Variants in CLEC16A observed in about 807,000 individuals in gnomAD.
The protein encoded by CLEC16A is protein CLEC16A.
CLEC16A carries 51 observed loss-of-function variants against 109.5 expected under a neutral mutation model. That is an observed-to-expected ratio of 0.47 (90% CI 0.37 to 0.59). The LOEUF is 0.59. Ranked by LOEUF, CLEC16A falls within the 20% of genes least tolerant of loss-of-function variation. CLEC16A has a pLI of 0.00. For missense variants in CLEC16A, 1,339 were observed against 1,394.0 expected (o/e 0.96, Z 0.63); for synonymous variants, 673 against 564.2 (o/e 1.19, Z -2.73).
At chr16:10,988,421 C>T (rs1307891175) in intron 10 of CLEC16A, among the ~76,000 whole-genome samples, 7 of 152,144 alleles carry the variant, frequency 4.6e-5, no homozygotes, top group African/African-American at 1.7e-4. Context: ...GGACAGGGAC[C>T]ATGTCTCGGA....
intron 22 of CLEC16A, among the ~76,000 whole-genome samples, chr16:11,164,929 C>T (rs895776160): frequency 1.3e-5 from 2 of 152,104 alleles, no homozygotes; most frequent in African/African-American, 2.4e-5. Flanking sequence ...TGAATGGGGT[C>T]CAGGGCTGGC....
At chr16:11,131,124 G>A (rs777365880) in intron 22 of CLEC16A, among the ~76,000 whole-genome samples, 5 of 152,130 alleles carry the variant, frequency 3.3e-5, no homozygotes, top group African/African-American at 9.7e-5. Context: ...TTGTGCGTGC[G>A]CCTGGCCAAG....
At chr16:11,128,756 T>G (rs527574000) in intron 22 of CLEC16A, among the ~76,000 whole-genome samples, 165 of 152,100 alleles carry the variant, frequency 1.1e-3, no homozygotes, top group African/African-American at 4.0e-3. Context: ...ACTCAGCACT[T>G]TGGAATCATT....
intron 18 of CLEC16A, among the ~76,000 whole-genome samples, chr16:11,054,211 C>G (rs1489317521): frequency 6.6e-6 from 1 of 152,204 alleles, no homozygotes; most frequent in Non-Finnish European, 1.5e-5. Context: ...TGGGCTGGGG[C>G]AGATGGTCCT....
At chr16:11,177,318 G>GGGCC (rs1410070452) in intron 23 of CLEC16A, among the ~76,000 whole-genome samples, 1 of 152,208 alleles carries the variant, frequency 6.6e-6, no homozygotes, top group East Asian at 1.9e-4. Context: ...ATTTTGAAAA[G>GGGCC]GGCCGGGCAC....
chr16:11,126,335 T>G (rs2052818189), intron 22 of CLEC16A, 189 bp downstream of exon 22: 1 of 1,482,844 alleles, frequency 6.7e-7, no homozygotes, highest in Admixed American at 2.4e-5. Context: ...AAATTTTGGC[T>G]TTCCCTTTAG....
intron 10 of CLEC16A, among the ~76,000 whole-genome samples, chr16:10,986,730 A>AGTGTGT (rs200977014): frequency 0.27 from 31,499 of 116,654 alleles, 4,353 homozygotes; most frequent in East Asian, 0.55. Context: ...TTTAAGGCTC[A>AGTGTGT]ATGTGTGTGT....
intron 22 of CLEC16A, among the ~76,000 whole-genome samples, chr16:11,127,521 C>T (rs1449391164): frequency 6.6e-6 from 1 of 152,202 alleles, no homozygotes; most frequent in East Asian, 1.9e-4. Context: ...CTCTAGAAAA[C>T]AGTACACCAA....
chr16:11,146,713 T>A (rs1449114469), intron 22 of CLEC16A, among the ~76,000 whole-genome samples: 8 of 138,754 alleles, frequency 5.8e-5, no homozygotes, highest in African/African-American at 2.2e-4. Context: ...GGCTGCTGGG[T>A]GGATAGATGG....
At chr16:11,127,210 T>TGCACGTATACAA (rs761477173) in intron 22 of CLEC16A, among the ~76,000 whole-genome samples, 21 of 152,256 alleles carry the variant, frequency 1.4e-4, no homozygotes, top group Non-Finnish European at 2.6e-4. Context: ...ACCGTATGTC[T>TGCACGTATACAA]GATGCTGCAC....
At chr16:11,084,385 C>G (rs549993923) in intron 19 of CLEC16A, among the ~76,000 whole-genome samples, 23 of 152,254 alleles carry the variant, frequency 1.5e-4, no homozygotes, top group African/African-American at 4.8e-4. Flanking sequence ...AACCCCAATT[C>G]TTATTCAAAG....
At chr16:10,978,228 A>G (rs1193290966) in intron 8 of CLEC16A, among the ~76,000 whole-genome samples, 3 of 152,034 alleles carry the variant, frequency 2.0e-5, no homozygotes, top group African/African-American at 4.8e-5. Context: ...TGCATGTCTC[A>G]CCTATCCCTC....
chr16:10,963,005 C>T (rs549406898), intron 3 of CLEC16A, among the ~76,000 whole-genome samples: 1 of 152,026 alleles, frequency 6.6e-6, no homozygotes, highest in East Asian at 1.9e-4. Flanking sequence ...TGCAGTGAGC[C>T]GTGATTGTGC....
At chr16:11,036,599 G>A (rs1286931558) in intron 13 of CLEC16A, among the ~76,000 whole-genome samples, 1 of 146,512 alleles carries the variant, frequency 6.8e-6, no homozygotes, top group East Asian at 2.0e-4. Context: ...ACCCAGGCTG[G>A]ACTGCAGTGG....
At chr16:11,151,565 C>G (rs546819258) in intron 22 of CLEC16A, among the ~76,000 whole-genome samples, 1 of 152,212 alleles carries the variant, frequency 6.6e-6, no homozygotes, top group Non-Finnish European at 1.5e-5. Context: ...AAGTAGAAAC[C>G]GTAGCTCAAA....
At chr16:10,997,378 G>A (rs561937378) in intron 10 of CLEC16A, among the ~76,000 whole-genome samples, 4 of 152,136 alleles carry the variant, frequency 2.6e-5, no homozygotes, top group East Asian at 1.9e-4. Context: ...TGTATAATTC[G>A]AGTCAAGATG....
At chr16:10,959,474 C>G (rs1006967495) in intron 2 of CLEC16A, among the ~76,000 whole-genome samples, 43 of 152,204 alleles carry the variant, frequency 2.8e-4, no homozygotes, top group Non-Finnish European at 4.9e-4. Flanking sequence ...TCACCGCAAC[C>G]TCTGCCTCCC....
chr16:10,959,949 C>A (rs1437152009), intron 2 of CLEC16A, among the ~76,000 whole-genome samples: 1 of 152,052 alleles, frequency 6.6e-6, no homozygotes, highest in Non-Finnish European at 1.5e-5. Flanking sequence ...CAAGATGACA[C>A]CCTGTCCATC....
rs1391146868 is a variant in CLEC16A at position 11,178,441 on chromosome 16, C to T, written c.2913C>T (p.Ser971=). Residue 971 remains serine, a synonymous_variant, in exon 24 of 24, where the codon AGC becomes AGT. Transcript: ENST00000409790. This position sits in a 1 kb window ranked among gnomAD's most constrained non-coding sequence, Gnocchi z 6.5. ...AGCCCAGCAAGAACGTGGCCAGGAG[C>T]GCAGCCGTGGAGACAGCCAGCCTGT... ...DSKPSKNVAR[S]AAVETASLSP... is the part of the protein sequence containing the mutation. 3.1e-6 allele frequency: 5 copies of T among 1,613,566 alleles called. No individual in the cohort carries two copies. Among genetic ancestry groups the T allele is most frequent in the East Asian group, 2.2e-5 (1 of 44,892 alleles).
Sources: allele counts gnomAD v4.1 joint callset (sites outside exome capture counted in the v4.1 genomes callset), GRCh38; gene constraint gnomAD v4.1.1; non-coding constraint Gnocchi (gnomAD v3.1); transcripts MANE v1.5; gene names NCBI Gene and HGNC (gene_info 2026-07-23, HGNC 2026-07-21).